The following FSTL5 variants were observed in gnomAD, a reference collection of about 807,000 sequenced individuals.
The protein encoded by FSTL5 is follistatin like 5.
Under a neutral mutation model 89.1 loss-of-function variants are expected in FSTL5, and 62 were observed. The observed-to-expected ratio is 0.70, with a 90% CI of 0.57 to 0.86. The LOEUF is 0.86. FSTL5 is among the 40% of genes least tolerant of loss of function. The probability of loss-of-function intolerance (pLI) is 0.00; values close to 1 mark genes in which losing one functional copy is unlikely to be tolerated. For missense variants in FSTL5, 1,057 were observed against 1,001.6 expected (o/e 1.06, Z -0.75); for synonymous variants, 383 against 346.2 (o/e 1.11, Z -1.18).
At chr4:161,726,221 C>CTTTTTTT (rs1260115105) in intron 6 of FSTL5, among the ~76,000 whole-genome samples, 1 of 69,234 alleles carries the variant, frequency 1.4e-5, no homozygotes, top group South Asian at 4.8e-4. Context: ...TTTCTTTTTT[C>CTTTTTTT]TTTTTCTTTT....
intron 4 of FSTL5, among the ~76,000 whole-genome samples, chr4:161,794,737 T>C (rs924076605): frequency 2.6e-5 from 4 of 152,190 alleles, no homozygotes; most frequent in Non-Finnish European, 4.4e-5. Context: ...ATGTTAATGG[T>C]AAGACCCATT....
intron 2 of FSTL5, among the ~76,000 whole-genome samples, chr4:162,079,104 C>A (rs1729983496): frequency 6.6e-6 from 1 of 151,718 alleles, no homozygotes; most frequent in Non-Finnish European, 1.5e-5. Context: ...CTACTCTATA[C>A]CTGTTGCAAA....
rs188195949 is a variant in FSTL5 at position 161,817,812 on chromosome 4, G to T, written c.410-41738C>A. Among the ~76,000 whole-genome samples the T allele has an allele frequency of 3.0e-4, 45 of 152,302 alleles. No homozygotes were observed. In the East Asian group the frequency reaches 8.1e-3, roughly 27 times the overall value. Reference sequence around the variant, plus strand: ...TTATTGCAATTCTCTCAAACAATTGGATATTAATTTGTATTGTAAATCTTA... The same window carrying T: ...TTATTGCAATTCTCTCAAACAATTGTATATTAATTTGTATTGTAAATCTTA... On this transcript the variant is annotated intron_variant, in intron 4 of 15. Coordinates refer to ENST00000306100, the MANE Select transcript of FSTL5 (RefSeq NM_020116.5).
At chr4:162,121,523 G>A (rs1400725287) in intron 1 of FSTL5, among the ~76,000 whole-genome samples, 3 of 151,990 alleles carry the variant, frequency 2.0e-5, no homozygotes, top group African/African-American at 7.2e-5. Flanking sequence ...TGGGGATTAT[G>A]TATGTTGGTA....
At chr4:162,122,865 T>C (rs1227773431) in intron 1 of FSTL5, among the ~76,000 whole-genome samples, 1 of 152,130 alleles carries the variant, frequency 6.6e-6, no homozygotes, top group Non-Finnish European at 1.5e-5. Flanking sequence ...TTTTAAAAGT[T>C]TGAAAATCAT....
chr4:161,986,653 T>G, intron 3 of FSTL5, among the ~76,000 whole-genome samples: 1 of 152,240 alleles, frequency 6.6e-6, no homozygotes, highest in East Asian at 1.9e-4. Flanking sequence ...ATTATTTAAA[T>G]ATTAGTTTCT....
chr4:161,775,910 T>A lies in FSTL5; in HGVS notation c.574A>T (p.Asn192Tyr). Residue 192 changes from asparagine (N) to tyrosine (Y), a missense_variant, in exon 5 of 16, where the codon AAT becomes TAT. Transcript: ENST00000306100. ...QMFKYFDADS[N>Y]GLVDINELTQ... ...AGTTCATTAATATCTACAAGTCCAT[T>A]ACTGTCTGCATCAAAATATTTAAAC... 1 of 1,594,942 alleles carries A rather than the reference T, an allele frequency of 6.3e-7. No individual in the cohort carries two copies. Among genetic ancestry groups the A allele is most frequent in the African/African-American group, 1.4e-5 (1 of 73,982 alleles).
chr4:162,080,163 T>C (rs1730037422), intron 2 of FSTL5, among the ~76,000 whole-genome samples: 1 of 151,684 alleles, frequency 6.6e-6, no homozygotes, highest in Non-Finnish European at 1.5e-5. Flanking sequence ...GTACTGAGAT[T>C]ATTGTATGTT....
chr4:162,110,651 TG>T, intron 2 of FSTL5, among the ~76,000 whole-genome samples: 1 of 151,856 alleles, frequency 6.6e-6, no homozygotes, highest in East Asian at 1.9e-4. Context: ...TTCAGTATCA[TG>T]GACTGCTGTT....
At chr4:161,843,692 G>A (rs1731280286) in intron 4 of FSTL5, among the ~76,000 whole-genome samples, 1 of 152,130 alleles carries the variant, frequency 6.6e-6, no homozygotes, top group Admixed American at 6.6e-5. Context: ...AAGCAATGGG[G>A]AAAGGATTCC....
At chr4:161,677,628 T>C (rs890534738) in intron 6 of FSTL5, among the ~76,000 whole-genome samples, 5 of 152,134 alleles carry the variant, frequency 3.3e-5, no homozygotes, top group African/African-American at 1.2e-4. Flanking sequence ...ATGTTGCTTC[T>C]GTGTGAGAAC....
chr4:161,491,249 A>G (rs1162419323), intron 12 of FSTL5, among the ~76,000 whole-genome samples: 1 of 152,094 alleles, frequency 6.6e-6, no homozygotes, highest in Non-Finnish European at 1.5e-5. Flanking sequence ...AGAAATATAT[A>G]CAGATTATAT....
At chr4:161,747,021 G>A (rs1740225540) in intron 6 of FSTL5, among the ~76,000 whole-genome samples, 1 of 152,054 alleles carries the variant, frequency 6.6e-6, no homozygotes. Flanking sequence ...CATCCCTGTG[G>A]GTGGTCTTTT....
chr4:161,558,857 A>C (rs1732486100), intron 8 of FSTL5, among the ~76,000 whole-genome samples: 1 of 151,426 alleles, frequency 6.6e-6, no homozygotes, highest in Admixed American at 6.6e-5. Flanking sequence ...CTCCCAACCA[A>C]CCCCAATCCA....
intron 3 of FSTL5, among the ~76,000 whole-genome samples, chr4:161,968,970 C>T (rs544087992): frequency 0.011 from 103 of 9,142 alleles, no homozygotes; most frequent in African/African-American, 0.016. Context: ...CTCACATAAG[C>T]ACACACACAC....
intron 7 of FSTL5, among the ~76,000 whole-genome samples, chr4:161,633,291 T>A (rs948821067): frequency 1.4e-5 from 2 of 140,726 alleles, no homozygotes; most frequent in Non-Finnish European, 3.1e-5. Flanking sequence ...ACTAATTCTT[T>A]TTATTATTAT....
At chr4:161,798,293 C>A (rs563166942) in intron 4 of FSTL5, among the ~76,000 whole-genome samples, 1 of 151,326 alleles carries the variant, frequency 6.6e-6, no homozygotes, top group Non-Finnish European at 1.5e-5. Context: ...CTATTACAGC[C>A]CCCTGTTCCA....
rs371676998 is a variant in FSTL5 at position 161,676,492 on chromosome 4, G to A, written c.728-19998C>T. Among the ~76,000 whole-genome samples, 95 of 151,998 alleles carry A rather than the reference G, an allele frequency of 6.3e-4. No homozygotes were observed. In the South Asian group the frequency reaches 0.017, roughly 27 times the overall value. ...CACAGGGAGGGGAACATCACACACC[G>A]GGGCCTGTCGGGAGGTGAGGGACTA... On this transcript the variant is annotated intron_variant, in intron 6 of 15. Coordinates refer to ENST00000306100, the MANE Select transcript of FSTL5 (RefSeq NM_020116.5).
At chr4:162,133,746 C>T (rs1732411893) in intron 1 of FSTL5, among the ~76,000 whole-genome samples, 1 of 152,140 alleles carries the variant, frequency 6.6e-6, no homozygotes, top group African/African-American at 2.4e-5. Context: ...TAAAATTATG[C>T]TTCAATTCTT....
Sources: allele counts gnomAD v4.1 joint callset (sites outside exome capture counted in the v4.1 genomes callset), GRCh38; gene constraint gnomAD v4.1.1; transcripts MANE v1.5; gene names NCBI Gene and HGNC (gene_info 2026-07-23, HGNC 2026-07-21).